The following SOCS7 variants were observed in gnomAD, a reference collection of about 807,000 sequenced individuals.
The protein encoded by SOCS7 is suppressor of cytokine signaling 7.
SOCS7 carries 18 observed loss-of-function variants against 58.9 expected under a neutral mutation model. The ratio of observed to expected loss-of-function variants is 0.31; its 90% CI spans 0.21 to 0.45. The LOEUF (loss-of-function observed/expected upper bound fraction) is 0.45, where lower values mean the gene tolerates loss of function less well. SOCS7 is among the 20% of genes least tolerant of loss of function. The pLI is 1.00. For missense variants in SOCS7, 667 were observed against 837.3 expected (o/e 0.80, Z 2.51); for synonymous variants, 388 against 364.3 (o/e 1.06, Z -0.74).
At position 38,352,477 on chromosome 17, in the gene SOCS7, G is replaced by A; in HGVS notation, c.425G>A (p.Gly142Glu). 6.6e-7 allele frequency: 1 copy of A among 1,518,934 alleles called. No homozygotes were observed. The highest frequency in any genetic ancestry group is 1.3e-5 in the South Asian group (1 of 79,398). 94.1% of individuals were successfully genotyped at this position (1,518,934 alleles called of 1,614,324 possible). ...GGGCCGGGGGTCAAGACAGTCGGTG[G>A]GGGTTGCTGCCCGTGTCCGTGTCCT... ...PAGPGVKTVGGGCCPCPCPPQ... is the reference protein window; with the variant it reads ...PAGPGVKTVGEGCCPCPCPPQ... The change falls in exon 1 of 10, where the codon GGG becomes GAG. Residue 142 changes from glycine to glutamate, a missense_variant. Physicochemically the swap from Gly to Glu is moderately conservative, Grantham distance 98. Coordinates refer to ENST00000612932, the MANE Select transcript of SOCS7 (RefSeq NM_014598.4). The surrounding 1 kb of genome is among the most constrained non-coding windows in gnomAD (Gnocchi z 5.5).
At position 38,352,888 on chromosome 17, in the gene SOCS7, G is replaced by A; in HGVS notation, c.836G>A (p.Ser279Asn). ...AAGGGCTCCTTCAAAATCCGCCTCA[G>A]TCGCCTCTTTCGCACCAAGAGCTGC... The part of the protein sequence containing the change: ...SRKGSFKIRL[S>N]RLFRTKSCNG... Residue 279 changes from serine to asparagine, a missense_variant, in exon 1 of 10, where the codon AGT (serine) becomes AAT (asparagine). Ser to Asn is a conservative substitution (Grantham distance 46, BLOSUM62 1). Coordinates refer to ENST00000612932, the MANE Select transcript of SOCS7 (RefSeq NM_014598.4). This position sits in a 1 kb window ranked among gnomAD's most constrained non-coding sequence, Gnocchi z 5.5. 6.2e-7 allele frequency: 1 copy of A among 1,600,480 alleles called. No homozygotes were observed. The highest frequency in any genetic ancestry group is 1.1e-5 in the South Asian group (1 of 88,374).
At position 38,401,753 on chromosome 17, in the gene SOCS7, C is replaced by G. The variant is rs2038321915; in HGVS notation, c.*2271C>G. ...GAGATGAAAAACACATGAGCAAAAG[C>G]AAGGAAGCAGAAATCTGCATGGCAT... On this transcript the variant is annotated 3_prime_UTR_variant, in exon 10 of 10. Transcript: ENST00000612932. The G allele has an allele frequency of 6.6e-6, 1 of 152,276 alleles. No homozygotes were observed. The highest frequency in any genetic ancestry group is 1.5e-5 in the Non-Finnish European group (1 of 68,128). 9.4% of individuals were successfully genotyped at this position (152,276 alleles called of 1,614,324 possible).
At chr17:38,377,535 A>G (rs1567744543) in intron 6 of SOCS7, among the ~76,000 whole-genome samples, 179 bp from the exon 7 acceptor site, 1 of 152,232 alleles carries the variant, frequency 6.6e-6, no homozygotes, top group Non-Finnish European at 1.5e-5. Flanking sequence ...ACAAAAGGCA[A>G]CATCTTTTTA....
intron 1 of SOCS7, among the ~76,000 whole-genome samples, chr17:38,354,000 C>T (rs943352343): frequency 1.3e-5 from 2 of 152,176 alleles, no homozygotes; most frequent in African/African-American, 4.8e-5. Flanking sequence ...AAGGTAGAGA[C>T]AGGTACATGA....
chr17:38,353,453 T>C (rs956846405), intron 1 of SOCS7, among the ~76,000 whole-genome samples: 22 of 152,206 alleles, frequency 1.4e-4, no homozygotes, highest in African/African-American at 4.8e-4. Flanking sequence ...GCACCTCCCT[T>C]CACACTCATG....
rs138609830 is a variant in SOCS7, at chr17:38,373,439, G to A, written c.1553-4275G>A. 1.3e-3 allele frequency among the ~76,000 whole-genome samples: 203 copies of A among 152,250 alleles called. No individual in the cohort carries two copies. In the Middle Eastern group the frequency reaches 0.027, roughly 20 times the overall value. On this transcript the variant is annotated intron_variant, in intron 6 of 9. Coordinates refer to ENST00000612932, the MANE Select transcript of SOCS7 (RefSeq NM_014598.4). ...TCTGGGGAAAAGAAAATGCCACAAA[G>A]GATATTTATTAGTAAGGAAAAGAAG...
intron 1 of SOCS7, among the ~76,000 whole-genome samples, chr17:38,360,857 A>G (rs946441781): frequency 6.6e-6 from 1 of 152,158 alleles, no homozygotes; most frequent in Non-Finnish European, 1.5e-5. Flanking sequence ...ACATATTTCT[A>G]TTACCTCGAC....
chr17:38,386,052 C>T (rs545338411), intron 7 of SOCS7, among the ~76,000 whole-genome samples: 98 of 152,016 alleles, frequency 6.4e-4, no homozygotes, highest in Admixed American at 1.3e-3. Context: ...AGGCCAGGCG[C>T]GGTGGCTCAG....
chr17:38,389,872 T>TATATATATATATATATATGTGTAC (rs2038137969), intron 7 of SOCS7, among the ~76,000 whole-genome samples: 1 of 111,748 alleles, frequency 8.9e-6, no homozygotes, highest in African/African-American at 3.8e-5. Context: ...TGTGTACATA[T>TATATATATATATATATATGTGTAC]ATATATATAT....
At chr17:38,375,715 A>G (rs984820464) in intron 6 of SOCS7, 6 of 152,148 alleles carry the variant, frequency 3.9e-5, no homozygotes, top group African/African-American at 1.4e-4. Flanking sequence ...TCCCCCCCAC[A>G]TTATTCAAGG....
intron 7 of SOCS7, among the ~76,000 whole-genome samples, chr17:38,388,260 AT>A (rs1406707312): frequency 6.6e-6 from 1 of 152,008 alleles, no homozygotes; most frequent in African/African-American, 2.4e-5. Flanking sequence ...CCCATTTAAA[AT>A]GTGTGATTCA....
At chr17:38,397,024 C>A (rs1375281323) in intron 9 of SOCS7, among the ~76,000 whole-genome samples, 1 of 152,122 alleles carries the variant, frequency 6.6e-6, no homozygotes, top group African/African-American at 2.4e-5. Context: ...AGTAATTAGG[C>A]CATTCAGTTA....
intron 7 of SOCS7, among the ~76,000 whole-genome samples, chr17:38,390,640 T>TTTCCTTCCTTCCTTCCTTCCTTCCTTCC: frequency 8.7e-6 from 1 of 114,408 alleles, no homozygotes. Flanking sequence ...TTTTGTTCGT[T>TTTCCTTCCTTCCTTCCTTCCTTCCTTCC]TTCCTTCCTT....
chr17:38,378,127 G>C (rs1413260890), intron 7 of SOCS7, among the ~76,000 whole-genome samples: 1 of 152,172 alleles, frequency 6.6e-6, no homozygotes, highest in Admixed American at 6.5e-5. Flanking sequence ...AGGTATCCCT[G>C]ATCTAGGCAT....
At chr17:38,392,481 G>T (rs546147708) in intron 7 of SOCS7, among the ~76,000 whole-genome samples, 1 of 152,282 alleles carries the variant, frequency 6.6e-6, no homozygotes, top group South Asian at 2.1e-4. Flanking sequence ...ATTTACTAAA[G>T]AATATATAAA....
At chr17:38,362,668 A>G (rs2037735584) in intron 2 of SOCS7, among the ~76,000 whole-genome samples, 1 of 152,236 alleles carries the variant, frequency 6.6e-6, no homozygotes, top group Admixed American at 6.5e-5. Context: ...ACTGCTGTGA[A>G]CTGTCAAAAC....
At chr17:38,395,477 T>C (rs748902008) in intron 8 of SOCS7, 33 bp downstream of exon 8, 18 of 1,602,180 alleles carry the variant, frequency 1.1e-5, no homozygotes, top group Non-Finnish European at 1.5e-5. Flanking sequence ...GGGACAGGAA[T>C]GAGTAAGGGG....
At chr17:38,353,102 T>C (rs979329079) in intron 1 of SOCS7, 70 bp downstream of exon 1, 2 of 1,379,626 alleles carry the variant, frequency 1.4e-6, no homozygotes, top group Admixed American at 5.3e-5. Context: ...TCTATTGCTA[T>C]CGCGATCCTG....
At chr17:38,389,900 C>CATATATATATATATATATATGT (rs1263290062) in intron 7 of SOCS7, among the ~76,000 whole-genome samples, 3 of 20,194 alleles carry the variant, frequency 1.5e-4, no homozygotes, top group Non-Finnish European at 2.0e-4. Flanking sequence ...TATATATATA[C>CATATATATATATATATATATGT]ACATATAGAG....
Sources: gnomAD v4.1 joint callset for allele counts (sites outside exome capture counted in the v4.1 genomes callset) on GRCh38, gnomAD v4.1.1 for gene constraint, Gnocchi (gnomAD v3.1) non-coding constraint, MANE v1.5 for transcripts, NCBI Gene and HGNC (gene_info 2026-07-23, HGNC 2026-07-21) for gene names.